Variants in KCNQ5 observed in about 807,000 individuals in gnomAD.
KCNQ5 encodes the protein potassium voltage-gated channel subfamily Q member 5.
Under a neutral mutation model 98.2 loss-of-function variants are expected in KCNQ5, and 30 were observed. That is an observed-to-expected ratio of 0.31 (90% CI 0.23 to 0.41). KCNQ5 has a LOEUF of 0.41. Ranked by LOEUF, KCNQ5 falls within the 10% of genes least tolerant of loss-of-function variation. KCNQ5 has a pLI of 1.00. For synonymous variants in KCNQ5, 458 were observed against 449.4 expected (o/e 1.02, Z -0.24); for missense variants, 835 against 1,182.5 (o/e 0.71, Z 4.31).
intron 1 of KCNQ5, among the ~76,000 whole-genome samples, chr6:72,748,404 G>A (rs1470864503): frequency 6.6e-6 from 1 of 152,062 alleles, no homozygotes; most frequent in Non-Finnish European, 1.5e-5. Flanking sequence ...TTCACAGCCT[G>A]TTATGAATGA....
At chr6:73,070,930 A>C (rs540230673) in intron 3 of KCNQ5, among the ~76,000 whole-genome samples, 4 of 152,330 alleles carry the variant, frequency 2.6e-5, no homozygotes, top group African/African-American at 7.2e-5. Context: ...TAAATTCATT[A>C]ACTAAATAAG....
intron 1 of KCNQ5, among the ~76,000 whole-genome samples, chr6:72,672,780 T>C (rs1767198373): frequency 6.6e-6 from 1 of 152,232 alleles, no homozygotes. Flanking sequence ...GTGGTAATTT[T>C]CTAATATTTA....
intron 1 of KCNQ5, among the ~76,000 whole-genome samples, chr6:72,716,849 C>T (rs1769671027): frequency 6.6e-6 from 1 of 152,156 alleles, no homozygotes; most frequent in South Asian, 2.1e-4. Context: ...ACTTTTTTCT[C>T]ATCTTTAACC....
At chr6:72,786,852 A>T (rs1773774113) in intron 1 of KCNQ5, among the ~76,000 whole-genome samples, 1 of 151,672 alleles carries the variant, frequency 6.6e-6, no homozygotes. Context: ...TAAAAATACA[A>T]AAAATTAGCC....
chr6:72,904,090 C>CT (rs1223258375), intron 1 of KCNQ5, among the ~76,000 whole-genome samples: 1 of 152,152 alleles, frequency 6.6e-6, no homozygotes, highest in African/African-American at 2.4e-5. Context: ...TAATGTCCCT[C>CT]TTTGTCTTTT....
intron 2 of KCNQ5, among the ~76,000 whole-genome samples, chr6:73,019,976 C>A (rs962194149): frequency 1.3e-5 from 2 of 152,108 alleles, no homozygotes; most frequent in African/African-American, 2.4e-5. Flanking sequence ...AGATTTAATT[C>A]TTTACCTTAT....
intron 2 of KCNQ5, among the ~76,000 whole-genome samples, chr6:73,012,662 A>G (rs1211091506): frequency 6.6e-6 from 1 of 152,060 alleles, no homozygotes; most frequent in Non-Finnish European, 1.5e-5. Flanking sequence ...AAAAATTGAG[A>G]AAAATCTTTT....
intron 1 of KCNQ5, among the ~76,000 whole-genome samples, chr6:72,926,147 C>A (rs1442611579): frequency 6.6e-6 from 1 of 151,990 alleles, no homozygotes; most frequent in Non-Finnish European, 1.5e-5. Flanking sequence ...GCTTGCTTAC[C>A]CCTTTGCCTT....
At chr6:72,854,361 C>T (rs988057956) in intron 1 of KCNQ5, among the ~76,000 whole-genome samples, 2 of 151,842 alleles carry the variant, frequency 1.3e-5, no homozygotes, top group Non-Finnish European at 2.9e-5. Flanking sequence ...ACTTAGACAG[C>T]ATTAAATATG....
Position 73,189,995 on chromosome 6 carries a change from CAA to C in KCNQ5, c.1578-564_1578-563del, listed in dbSNP as rs56943530. ...TGGGCAACACAGTGAGACCTCATCT[CAA>C]AAAAAAAAAAAAAGTGTATTATGTT... is the stretch of plus-strand genomic sequence containing the variant. On this transcript the variant is annotated intron_variant, in intron 11 of 13. Transcript: ENST00000370398. Among the ~76,000 whole-genome samples the C allele has an allele frequency of 1.6e-3, 182 of 113,136 alleles. 1 individual carries two copies. Among genetic ancestry groups the C allele is most frequent in the Non-Finnish European group, 2.5e-3 (132 of 52,658 alleles). The allele number at this position is 113,136 out of a possible 152,430, so 74.2% of individuals were successfully genotyped here.
intron 2 of KCNQ5, among the ~76,000 whole-genome samples, chr6:73,037,827 CTTT>C (rs1369733055): frequency 1.3e-5 from 2 of 151,978 alleles, no homozygotes; most frequent in East Asian, 1.9e-4. Flanking sequence ...TTTTATTCTT[CTTT>C]GTCAGCATTG....
intron 5 of KCNQ5, among the ~76,000 whole-genome samples, chr6:73,087,131 T>C (rs58240570): frequency 0.13 from 20,461 of 152,114 alleles, 2,602 homozygotes; most frequent in African/African-American, 0.34. Context: ...TGATACCCCT[T>C]GCAGGTATAT....
At position 72,852,640 on chromosome 6, in the gene KCNQ5, A is replaced by AAT. The variant is rs140435793; in HGVS notation, c.399-151248_399-151247dup. 4.8e-3 allele frequency among the ~76,000 whole-genome samples: 273 copies of AAT among 56,742 alleles called. 42 individuals are homozygous for AAT. The highest frequency in any genetic ancestry group is 0.011 in the Admixed American group (68 of 6,024). 37.2% of individuals were successfully genotyped at this position (56,742 alleles called of 152,430 possible). A position where few individuals can be genotyped will look rare whatever the true frequency, so the allele number is the denominator to read the frequency against. On this transcript the variant is annotated intron_variant, in intron 1 of 13. Coordinates refer to ENST00000370398, the MANE Select transcript of KCNQ5 (RefSeq NM_019842.4). ...AGTGGAGAGAAGGAGATGAAGGGGA[A>AAT]ATATATATATATATATATATAAATG...
At chr6:73,053,043 T>A (rs1481614913) in intron 3 of KCNQ5, among the ~76,000 whole-genome samples, 2 of 152,160 alleles carry the variant, frequency 1.3e-5, no homozygotes, top group African/African-American at 4.8e-5. Context: ...ACTAAAGGGA[T>A]GGAGAAAAAT....
At chr6:72,889,779 T>G (rs967713348) in intron 1 of KCNQ5, among the ~76,000 whole-genome samples, 45 of 152,324 alleles carry the variant, frequency 3.0e-4, no homozygotes, top group African/African-American at 1.0e-3. Flanking sequence ...GATTTGATCA[T>G]TAGACATTAT....
At chr6:72,867,669 G>A (rs1436278398) in intron 1 of KCNQ5, among the ~76,000 whole-genome samples, 1 of 152,070 alleles carries the variant, frequency 6.6e-6, no homozygotes, top group Non-Finnish European at 1.5e-5. Flanking sequence ...TGAGTATGGT[G>A]GCTCATGCCT....
At chr6:72,921,215 G>A (rs9351956) in intron 1 of KCNQ5, among the ~76,000 whole-genome samples, 39,865 of 151,986 alleles carry the variant, frequency 0.26, 5,498 homozygotes, top group Admixed American at 0.3. Context: ...TGAGTTGAAA[G>A]GAAACAGCAG....
At chr6:73,098,475 A>G (rs1251850636) in intron 5 of KCNQ5, among the ~76,000 whole-genome samples, 1 of 152,204 alleles carries the variant, frequency 6.6e-6, no homozygotes, top group Non-Finnish European at 1.5e-5. Context: ...GCAAAATTCA[A>G]GGATAAAGAA....
intron 11 of KCNQ5, among the ~76,000 whole-genome samples, chr6:73,180,895 A>G (rs1778382713): frequency 6.6e-6 from 1 of 152,066 alleles, no homozygotes; most frequent in Non-Finnish European, 1.5e-5. Context: ...GGGTCCGTCC[A>G]TCTGTTTGGC....
Sources: gnomAD v4.1 joint callset for allele counts (sites outside exome capture counted in the v4.1 genomes callset) on GRCh38, gnomAD v4.1.1 for gene constraint, MANE v1.5 for transcripts, NCBI Gene and HGNC (gene_info 2026-07-23, HGNC 2026-07-21) for gene names.